The following ANK3 variants were observed in gnomAD, a reference collection of about 807,000 sequenced individuals.
The protein encoded by ANK3 is ankyrin 3.
Under a neutral mutation model 370.9 loss-of-function variants are expected in ANK3, and 57 were observed. The ratio of observed to expected loss-of-function variants is 0.15; its 90% CI spans 0.12 to 0.19. The LOEUF is 0.19. Ranked by LOEUF, ANK3 falls within the 10% of genes least tolerant of loss-of-function variation. The pLI is 1.00. For missense variants in ANK3, 4,439 were observed against 5,302.1 expected, an observed-to-expected ratio of 0.84 and a Z score of 5.06; for synonymous variants, 1,929 against 1,946.3, an observed-to-expected ratio of 0.99 and a Z score of 0.23.
chr10:60,631,692 T>A (rs755771137), intron 1 of ANK3, among the ~76,000 whole-genome samples: 13 of 152,014 alleles, frequency 8.6e-5, no homozygotes, highest in Non-Finnish European at 1.8e-4. Context: ...TAAAAGTAGA[T>A]TAGACAAATA....
At chr10:60,177,702 A>C (rs145660613) in intron 18 of ANK3, among the ~76,000 whole-genome samples, 4,151 of 144,904 alleles carry the variant, frequency 0.029, 77 homozygotes, top group Non-Finnish European at 0.041. Context: ...GGTTCACACC[A>C]TTCTTCTGCC....
At chr10:60,354,097 A>G (rs980972833) in intron 1 of ANK3, among the ~76,000 whole-genome samples, 1 of 152,196 alleles carries the variant, frequency 6.6e-6, no homozygotes, top group Non-Finnish European at 1.5e-5. Flanking sequence ...TCTCCAATAC[A>G]ATCAGCTAGA....
At chr10:60,168,665 C>T (rs2095689858) in intron 21 of ANK3, among the ~76,000 whole-genome samples, 1 of 152,114 alleles carries the variant, frequency 6.6e-6, no homozygotes, top group African/African-American at 2.4e-5. Context: ...GGTATTAAGC[C>T]TCGCATGCAT....
chr10:60,061,033 C>T (rs1370205777), intron 40 of ANK3, among the ~76,000 whole-genome samples: 3 of 152,084 alleles, frequency 2.0e-5, no homozygotes, highest in East Asian at 3.8e-4. Flanking sequence ...AAAAGTTCAA[C>T]GAAGAGGAGA....
intron 1 of ANK3, among the ~76,000 whole-genome samples, chr10:60,697,343 A>G (rs2079474708): frequency 1.3e-5 from 2 of 151,960 alleles, no homozygotes; most frequent in African/African-American, 2.4e-5. Context: ...GTAATTTACA[A>G]ATTCAATGCC....
intron 2 of ANK3, among the ~76,000 whole-genome samples, chr10:60,403,051 T>A (rs2063384027): frequency 6.6e-6 from 1 of 152,136 alleles, no homozygotes; most frequent in Non-Finnish European, 1.5e-5. Flanking sequence ...AAAAGGAAAG[T>A]AAATATTATG....
chr10:60,221,520 C>T (rs182079048), intron 8 of ANK3, among the ~76,000 whole-genome samples: 2 of 152,284 alleles, frequency 1.3e-5, no homozygotes, highest in East Asian at 3.9e-4. Context: ...AGTCATGACT[C>T]ATCTATATAC....
At chr10:60,191,793 G>C (rs770914246) in intron 16 of ANK3, among the ~76,000 whole-genome samples, 2 of 152,120 alleles carry the variant, frequency 1.3e-5, no homozygotes, top group African/African-American at 4.8e-5. Flanking sequence ...ACTTGCACTC[G>C]TATGTTCATT....
At chr10:60,657,472 T>C (rs1178635083) in intron 1 of ANK3, among the ~76,000 whole-genome samples, 1 of 152,216 alleles carries the variant, frequency 6.6e-6, no homozygotes, top group Non-Finnish European at 1.5e-5. Context: ...GATTTCTTCT[T>C]TGACCTATGG....
At chr10:60,097,645 G>C (rs2090403190) in intron 28 of ANK3, among the ~76,000 whole-genome samples, 1 of 152,236 alleles carries the variant, frequency 6.6e-6, no homozygotes, top group Middle Eastern at 3.4e-3. Context: ...CTGACTAAAT[G>C]GGTTACTCTT....
chr10:60,239,137 C>G (rs976148365), intron 7 of ANK3, among the ~76,000 whole-genome samples: 2 of 151,896 alleles, frequency 1.3e-5, no homozygotes, highest in African/African-American at 4.8e-5. Context: ...AAGAACAGAG[C>G]CTCCAAGAGC....
intron 1 of ANK3, among the ~76,000 whole-genome samples, chr10:60,381,258 T>C (rs961710834): frequency 6.6e-5 from 10 of 152,162 alleles, no homozygotes; most frequent in African/African-American, 2.4e-4. Context: ...ATGTGCAAAA[T>C]AAAGTTCATT....
chr10:60,326,309 C>A (rs1368966874), intron 1 of ANK3, among the ~76,000 whole-genome samples: 1 of 151,956 alleles, frequency 6.6e-6, no homozygotes, highest in East Asian at 1.9e-4. Flanking sequence ...AAATAAATTA[C>A]CTTTTGCTTA....
chr10:60,464,493 A>G (rs1396844500), intron 2 of ANK3, among the ~76,000 whole-genome samples: 1 of 136,278 alleles, frequency 7.3e-6, no homozygotes, highest in Non-Finnish European at 1.7e-5. Context: ...GGCTGTCTCT[A>G]TAAGAACACT....
At chr10:60,342,699 A>T (rs2132987384) in intron 1 of ANK3, among the ~76,000 whole-genome samples, 1 of 152,292 alleles carries the variant, frequency 6.6e-6, no homozygotes, top group East Asian at 1.9e-4. Flanking sequence ...CAGACAAGTT[A>T]GGTAATAGGC....
At chr10:60,305,082 G>A (rs1186743507) in intron 1 of ANK3, among the ~76,000 whole-genome samples, 1 of 152,218 alleles carries the variant, frequency 6.6e-6, no homozygotes, top group African/African-American at 2.4e-5. Flanking sequence ...ATGCTCTGGA[G>A]AAGGTGAGGC....
chr10:60,198,794 C>T (rs2096626910), intron 13 of ANK3, among the ~76,000 whole-genome samples: 1 of 152,108 alleles, frequency 6.6e-6, no homozygotes, highest in South Asian at 2.1e-4. Context: ...TTACACCCCA[C>T]CCACACCTGC....
upstream of ANK3, among the ~76,000 whole-genome samples, chr10:60,392,940 C>T (rs944967240): frequency 1.3e-5 from 2 of 151,768 alleles, no homozygotes; most frequent in Non-Finnish European, 2.9e-5. Flanking sequence ...TGGCTCCCCA[C>T]TCCCTCCCCC....
intron 2 of ANK3, among the ~76,000 whole-genome samples, chr10:60,580,801 A>C (rs1417065758): frequency 6.6e-6 from 1 of 152,006 alleles, no homozygotes; most frequent in Non-Finnish European, 1.5e-5. Context: ...TTCGCAGGGA[A>C]TCTGGTCTAG....
Sources: gnomAD v4.1 joint callset for allele counts (sites outside exome capture counted in the v4.1 genomes callset) on GRCh38, gnomAD v4.1.1 for gene constraint, MANE v1.5 for transcripts, NCBI Gene and HGNC (gene_info 2026-07-23, HGNC 2026-07-21) for gene names.